Variants in ATRNL1 observed in about 807,000 individuals in gnomAD.
ATRNL1 encodes the protein attractin-like protein 1.
ATRNL1 carries 95 observed loss-of-function variants against 182.7 expected under a neutral mutation model. The ratio of observed to expected loss-of-function variants is 0.52; its 90% confidence interval spans 0.44 to 0.62. The LOEUF (loss-of-function observed/expected upper bound fraction) is 0.62, where lower values mean the gene tolerates loss of function less well. ATRNL1 is among the 20% of genes least tolerant of loss of function. ATRNL1 has a pLI of 0.00. For synonymous variants in ATRNL1, 576 were observed against 568.3 expected (o/e 1.01, Z -0.19); for missense variants, 1,471 against 1,679.5 (o/e 0.88, Z 2.17).
At chr10:115,156,360 C>T (rs1292976575) in intron 5 of ATRNL1, among the ~76,000 whole-genome samples, 1 of 152,030 alleles carries the variant, frequency 6.6e-6, no homozygotes, top group Non-Finnish European at 1.5e-5. Flanking sequence ...GCAAACACTG[C>T]TGAAGGAATT....
chr10:115,534,985 T>C (rs2133762419), intron 25 of ATRNL1, among the ~76,000 whole-genome samples: 2 of 152,348 alleles, frequency 1.3e-5, no homozygotes, highest in African/African-American at 4.8e-5. Flanking sequence ...CCGCTGTTAG[T>C]CTGATGGGCT....
At chr10:115,398,208 G>A (rs1165544790) in intron 20 of ATRNL1, among the ~76,000 whole-genome samples, 1 of 151,936 alleles carries the variant, frequency 6.6e-6, no homozygotes, top group African/African-American at 2.4e-5. Flanking sequence ...CTTGTGGAAG[G>A]GATTGGCAGC....
chr10:115,708,832 A>G (rs1555053716), intron 26 of ATRNL1, among the ~76,000 whole-genome samples: 2 of 151,852 alleles, frequency 1.3e-5, no homozygotes, highest in Non-Finnish European at 3.0e-5. Flanking sequence ...ACGAGCCTAC[A>G]GTGACTTCTA....
intron 19 of ATRNL1, among the ~76,000 whole-genome samples, chr10:115,343,419 G>A (rs1306771389): frequency 6.6e-6 from 1 of 151,944 alleles, no homozygotes; most frequent in African/African-American, 2.4e-5. Flanking sequence ...AAAGACTAAT[G>A]CATTCTTCCA....
chr10:115,617,961 A>G (rs1857523847), intron 26 of ATRNL1, among the ~76,000 whole-genome samples: 1 of 152,104 alleles, frequency 6.6e-6, no homozygotes. Context: ...CGTTGCTCCC[A>G]TTCTTGTGAT....
At chr10:115,490,169 A>G (rs116953036) in intron 24 of ATRNL1, among the ~76,000 whole-genome samples, 193 of 151,790 alleles carry the variant, frequency 1.3e-3, no homozygotes, top group Non-Finnish European at 2.2e-3. Context: ...TTTTTCCTTC[A>G]TTTGAACATT....
chr10:115,148,947 G>A (rs532598763), intron 5 of ATRNL1, among the ~76,000 whole-genome samples: 1 of 151,848 alleles, frequency 6.6e-6, no homozygotes, highest in South Asian at 2.1e-4. Context: ...ATGAGGTTTC[G>A]CCATGTTTCA....
At chr10:115,914,307 G>A (rs1006991601) in intron 28 of ATRNL1, among the ~76,000 whole-genome samples, 15 of 152,156 alleles carry the variant, frequency 9.9e-5, no homozygotes, top group Middle Eastern at 3.2e-3. Context: ...AATACAGGTG[G>A]TATATCAGGG....
intron 8 of ATRNL1, among the ~76,000 whole-genome samples, chr10:115,214,276 A>T (rs1189483359): frequency 6.7e-6 from 1 of 149,796 alleles, no homozygotes; most frequent in Non-Finnish European, 1.5e-5. Context: ...TATTAAAAGG[A>T]AATGAATAAA....
chr10:115,436,160 G>A (rs914997668), intron 21 of ATRNL1, among the ~76,000 whole-genome samples: 1 of 151,944 alleles, frequency 6.6e-6, no homozygotes, highest in Admixed American at 6.6e-5. Context: ...AAGAAAAAAT[G>A]AATTTCAAGG....
At chr10:115,885,499 G>T (rs1374724262) in intron 28 of ATRNL1, among the ~76,000 whole-genome samples, 1 of 152,134 alleles carries the variant, frequency 6.6e-6, no homozygotes, top group Non-Finnish European at 1.5e-5. Context: ...TTTGTCAGAT[G>T]CTTTGTGCAA....
chr10:115,268,798 C>A (rs1443707839), intron 13 of ATRNL1, among the ~76,000 whole-genome samples: 1 of 152,148 alleles, frequency 6.6e-6, no homozygotes, highest in Admixed American at 6.5e-5. Flanking sequence ...CCATTGGATT[C>A]CTGTCAGACA....
At chr10:115,199,407 A>T (rs1480651527) in intron 8 of ATRNL1, among the ~76,000 whole-genome samples, 4 of 151,700 alleles carry the variant, frequency 2.6e-5, no homozygotes, top group Non-Finnish European at 4.4e-5. Flanking sequence ...TCTACTAAAA[A>T]TACAAAAATT....
chr10:115,476,576 T>C (rs1431744497), intron 24 of ATRNL1, among the ~76,000 whole-genome samples: 1 of 151,392 alleles, frequency 6.6e-6, no homozygotes, highest in African/African-American at 2.4e-5. Context: ...TTTGTACATA[T>C]ACATTTACAT....
intron 26 of ATRNL1, among the ~76,000 whole-genome samples, chr10:115,690,312 A>T (rs1249651322): frequency 6.6e-6 from 1 of 152,058 alleles, no homozygotes; most frequent in African/African-American, 2.4e-5. Context: ...TACTTTCAGG[A>T]TGAAACTGTT....
At chr10:115,739,821 A>G (rs1421670531) in intron 27 of ATRNL1, among the ~76,000 whole-genome samples, 1 of 152,122 alleles carries the variant, frequency 6.6e-6, no homozygotes, top group Non-Finnish European at 1.5e-5. Flanking sequence ...TTAGGCTGTT[A>G]TTGCCTATGA....
intron 9 of ATRNL1, among the ~76,000 whole-genome samples, chr10:115,236,657 A>G (rs1850196431): frequency 6.6e-6 from 1 of 152,134 alleles, no homozygotes. Flanking sequence ...ATGTTTCCAA[A>G]TACTCTCATC....
chr10:115,323,376 T>C (rs1190926762), intron 18 of ATRNL1, among the ~76,000 whole-genome samples: 1 of 151,370 alleles, frequency 6.6e-6, no homozygotes, highest in Non-Finnish European at 1.5e-5. Context: ...ATTGTCATCA[T>C]ACCCTTCTTC....
chr10:115,728,585 C>A (rs910633509), intron 27 of ATRNL1, among the ~76,000 whole-genome samples: 4 of 151,846 alleles, frequency 2.6e-5, no homozygotes, highest in Non-Finnish European at 5.9e-5. Context: ...ATTCAAAAAC[C>A]TAGGTATACA....
Sources: allele counts gnomAD v4.1 joint callset (sites outside exome capture counted in the v4.1 genomes callset), GRCh38; gene constraint gnomAD v4.1.1; transcripts MANE v1.5; gene names NCBI Gene and HGNC (gene_info 2026-07-23, HGNC 2026-07-21).